NLRP13: variants seen among roughly 807,000 people sequenced by gnomAD.
NLRP13 encodes NLR family pyrin domain containing 13.
In NLRP13, 82 loss-of-function variants were observed where a neutral mutation model predicts 94.4. The ratio of observed to expected loss-of-function variants is 0.87; its 90% CI spans 0.73 to 1.04. The LOEUF (loss-of-function observed/expected upper bound fraction) is 1.04, where lower values mean the gene tolerates loss of function less well. Among genes scored for constraint, NLRP13 ranks in the 50% least tolerant of loss-of-function variants. NLRP13 has a pLI of 0.00. For missense variants in NLRP13, 1,426 were observed against 1,230.8 expected (o/e 1.16, Z -2.37); for synonymous variants, 553 against 464.7 (o/e 1.19, Z -2.45).
chr19:55,900,391 G>A (rs302832), intron 9 of NLRP13, among the ~76,000 whole-genome samples: 87,635 of 151,982 alleles, frequency 0.58, 25,700 homozygotes, highest in Middle Eastern at 0.66. Context: ...AAAGGAAGAG[G>A]TATGACCCAC....
chr19:55,927,372 A>G (rs973703372), intron 1 of NLRP13, among the ~76,000 whole-genome samples: 5 of 141,932 alleles, frequency 3.5e-5, no homozygotes, highest in African/African-American at 1.4e-4. Flanking sequence ...CATCTAGGAA[A>G]AAAAAAAAAA....
At chr19:55,911,638 T>G in intron 5 of NLRP13, 68 bp downstream of exon 5, 1 of 1,412,660 alleles carries the variant, frequency 7.1e-7, no homozygotes, top group Non-Finnish European at 9.6e-7. Flanking sequence ...TGGTTTTGCA[T>G]GAAAGAATTT....
chr19:55,918,476 T>A (rs1435055921), intron 4 of NLRP13, among the ~76,000 whole-genome samples: 1 of 151,938 alleles, frequency 6.6e-6, no homozygotes, highest in Non-Finnish European at 1.5e-5. Context: ...GATTGATAGA[T>A]GGCTAGCTAT....
chr19:55,913,726 G>A (rs939663978), intron 4 of NLRP13, among the ~76,000 whole-genome samples: 17 of 152,008 alleles, frequency 1.1e-4, no homozygotes, highest in Non-Finnish European at 2.4e-4. Context: ...TGAGAATGGA[G>A]AAGAATCATC....
At chr19:55,921,949 A>G (rs530861720) in intron 4 of NLRP13, among the ~76,000 whole-genome samples, 1 of 152,378 alleles carries the variant, frequency 6.6e-6, no homozygotes, top group East Asian at 1.9e-4. Flanking sequence ...TAGTAAAGAC[A>G]TACCCAAGAG....
chr19:55,930,193 GGTCAAGCACA>G (rs1987077258), intron 1 of NLRP13, among the ~76,000 whole-genome samples: 1 of 152,188 alleles, frequency 6.6e-6, no homozygotes, highest in African/African-American at 2.4e-5. Context: ...AGCTGTACAA[GGTCAAGCACA>G]GAGCCTTTGG....
At chr19:55,898,200 G>GTTTTTTT (rs149121317) in intron 10 of NLRP13, among the ~76,000 whole-genome samples, 6 of 135,564 alleles carry the variant, frequency 4.4e-5, no homozygotes, top group African/African-American at 8.0e-5. Context: ...GAGAGTTTTT[G>GTTTTTTT]TTTTTGTTTT....
At position 55,907,897 on chromosome 19, in the gene NLRP13, T is replaced by C. The variant is rs17711239; in HGVS notation, c.2342A>G (p.Asn781Ser). The C allele has an allele frequency of 0.11, 173,254 of 1,613,202 alleles. 9,781 individuals carry two copies. The highest frequency in any genetic ancestry group is 0.16 in the Middle Eastern group (986 of 6,054). ...GAAGTTCAGATGGGTCAGCTTGCTG[T>C]TACCCTGAAGGGCAATAATGAGGTC... ...LQDLIIALQGNSKLTHLNFSS... is the reference protein window; with the variant it reads ...LQDLIIALQGSSKLTHLNFSS... The change falls in exon 7 of 11, where the codon AAC becomes AGC. Residue 781 changes from asparagine to serine, a missense_variant. By Grantham distance (46) the Asn-to-Ser change is conservative. Transcript: ENST00000342929.
intron 9 of NLRP13, 99 bp from the exon 10 acceptor site, chr19:55,899,036 C>T: frequency 5.4e-6 from 7 of 1,295,274 alleles, no homozygotes; most frequent in Non-Finnish European, 7.3e-6. Flanking sequence ...AAGGAGACAC[C>T]CTGAAGCCAG....
At chr19:55,910,470 C>T (rs1013374823) in intron 6 of NLRP13, 93 bp downstream of exon 6, 3 of 1,257,384 alleles carry the variant, frequency 2.4e-6, no homozygotes, top group African/African-American at 1.5e-5. Context: ...CGTAGCTTGC[C>T]TTCTGGCAAA....
intron 1 of NLRP13, among the ~76,000 whole-genome samples, chr19:55,931,737 A>AGAAAGAAAGAAAGAAC (rs1987150387): frequency 7.4e-6 from 1 of 134,876 alleles, no homozygotes; most frequent in African/African-American, 3.1e-5. Context: ...AAAGAAAGAA[A>AGAAAGAAAGAAAGAAC]GAAAGAAAAA....
chr19:55,912,889 T>TAATAAACAG lies in NLRP13; in HGVS notation c.919_927dup (p.Leu307_Ile309dup). ...ATGATTATTTCCTCAAAGCCATCAA[T>TAATAAACAG]AATAAACAGGAGCTTCTCTGGTTGA... On this transcript the variant is annotated inframe_insertion, in exon 5 of 11. Coordinates refer to ENST00000342929, the MANE Select transcript of NLRP13 (RefSeq NM_176810.2). The TAATAAACAG allele has an allele frequency of 6.2e-7, 1 of 1,614,206 alleles. No individual in the cohort carries two copies. Among genetic ancestry groups the TAATAAACAG allele is most frequent in the Middle Eastern group, 1.6e-4 (1 of 6,062 alleles).
At chr19:55,893,183 G>A (rs139023401), downstream of NLRP13, among the ~76,000 whole-genome samples, 23 of 152,164 alleles carry the variant, frequency 1.5e-4, no homozygotes, top group African/African-American at 4.3e-4. Flanking sequence ...GAGGTCGGCA[G>A]TTCTAGACCA....
In NLRP13 at chr19:55,911,858, C is replaced by T. The variant is rs766509704; in HGVS notation, c.1959G>A (p.Lys653=). The change falls in exon 5 of 11, where the codon AAG becomes AAA. Residue 653 remains lysine (K), a synonymous_variant. Transcript: ENST00000342929. ...HESQEEDFTK[K]MLGRIFEVDL... ...CAACTTCAAAGATACGACCCAACAT[C>T]TTCTTTGTGAAGTCTTCCTCCTGGG... 6.2e-7 allele frequency: 1 copy of T among 1,614,208 alleles called. No homozygotes were observed. Among genetic ancestry groups the T allele is most frequent in the Admixed American group, 1.7e-5 (1 of 60,028 alleles).
chr19:55,905,822 G>C (rs779530762), intron 7 of NLRP13, among the ~76,000 whole-genome samples: 1 of 152,094 alleles, frequency 6.6e-6, no homozygotes, highest in Non-Finnish European at 1.5e-5. Flanking sequence ...TACACCATCA[G>C]GACAACCAAA....
chr19:55,894,012 T>A (rs1005944968), downstream of NLRP13, among the ~76,000 whole-genome samples: 1 of 137,314 alleles, frequency 7.3e-6, no homozygotes, highest in Non-Finnish European at 1.6e-5. Flanking sequence ...CAGTAACAGC[T>A]GTTAACTGCT....
intron 9 of NLRP13, among the ~76,000 whole-genome samples, chr19:55,899,169 C>A (rs1249109734): frequency 1.3e-5 from 2 of 152,106 alleles, no homozygotes; most frequent in South Asian, 4.2e-4. Flanking sequence ...CCCTCCCACG[C>A]CCCCCGCAGG....
At chr19:55,909,037 G>C (rs1047420613) in intron 6 of NLRP13, among the ~76,000 whole-genome samples, 1 of 152,174 alleles carries the variant, frequency 6.6e-6, no homozygotes, top group Admixed American at 6.5e-5. Flanking sequence ...TTAACTGGTT[G>C]AATCAATGCA....
chr19:55,910,787 C>G (rs948006190), intron 5 of NLRP13, 54 bp from the exon 6 acceptor site: 1 of 1,411,650 alleles, frequency 7.1e-7, no homozygotes, highest in Non-Finnish European at 9.8e-7. Context: ...TCAAGCAATA[C>G]CCAGAATACA....
Sources: gnomAD v4.1 joint callset for allele counts (sites outside exome capture counted in the v4.1 genomes callset) on GRCh38, gnomAD v4.1.1 for gene constraint, MANE v1.5 for transcripts, NCBI Gene and HGNC (gene_info 2026-07-23, HGNC 2026-07-21) for gene names.